Variants in NCAM2 observed in about 807,000 individuals in gnomAD.
NCAM2 encodes N-CAM-2.
NCAM2 carries 30 observed loss-of-function variants against 98.1 expected under a neutral mutation model. That is an observed-to-expected ratio of 0.31 (90% CI 0.23 to 0.41). The LOEUF (loss-of-function observed/expected upper bound fraction) is 0.41. NCAM2 is among the 10% of genes least tolerant of loss of function. The pLI is 1.00. For missense variants in NCAM2, 867 were observed against 1,005.8 expected (o/e 0.86, Z 1.87); for synonymous variants, 368 against 342.4 (o/e 1.07, Z -0.83).
intron 1 of NCAM2, among the ~76,000 whole-genome samples, chr21:21,174,191 G>T (rs757211374): frequency 5.3e-5 from 8 of 152,146 alleles, no homozygotes; most frequent in Non-Finnish European, 8.8e-5. Flanking sequence ...CCCAAGTGCT[G>T]GGATTACAGG....
chr21:21,013,684 G>A (rs1219790551), intron 1 of NCAM2, among the ~76,000 whole-genome samples: 2 of 152,008 alleles, frequency 1.3e-5, no homozygotes, highest in Non-Finnish European at 2.9e-5. Context: ...GGGAGGCTGA[G>A]GCAGGAGAAT....
intron 14 of NCAM2, among the ~76,000 whole-genome samples, chr21:21,471,998 C>G (rs1368292870): frequency 6.6e-6 from 1 of 151,966 alleles, no homozygotes; most frequent in Non-Finnish European, 1.5e-5. Context: ...ACATATTAAT[C>G]TCATGAAATG....
At chr21:21,444,689 A>G (rs1464757933) in intron 12 of NCAM2, among the ~76,000 whole-genome samples, 2 of 151,982 alleles carry the variant, frequency 1.3e-5, no homozygotes, top group African/African-American at 2.4e-5. Context: ...CATTCCCTTT[A>G]TCTTTTTTAT....
At chr21:21,467,859 C>CA (rs1246875592) in intron 13 of NCAM2, among the ~76,000 whole-genome samples, 2 of 150,556 alleles carry the variant, frequency 1.3e-5, no homozygotes, top group Non-Finnish European at 3.0e-5. Context: ...AACCCTGCCT[C>CA]AAAAAAAGAA....
Position 21,338,540 on chromosome 21 carries a change from C to G in NCAM2, c.1044+6C>G, listed in dbSNP as rs777797290. Reference sequence around the variant, plus strand: ...CGTTCACTGAAGGCGATAAGGTAACCACATCTCAATATGTAATGGTTTCCA... The same window carrying G: ...CGTTCACTGAAGGCGATAAGGTAACGACATCTCAATATGTAATGGTTTCCA... On this transcript the variant is annotated splice_donor_region_variant and intron_variant, in intron 8 of 17. Transcript: ENST00000400546. 1.3e-6 allele frequency: 2 copies of G among 1,596,538 alleles called. No homozygotes were observed. The highest frequency in any genetic ancestry group is 1.7e-6 in the Non-Finnish European group (2 of 1,173,284).
rs569583392 is a variant in NCAM2, at chr21:21,159,141, T to G, written c.56-121437T>G. Among the ~76,000 whole-genome samples the G allele has an allele frequency of 1.8e-4, 28 of 152,174 alleles. No individual in the cohort carries two copies. In the South Asian group the frequency reaches 3.5e-3, roughly 19 times the overall value. On this transcript the variant is annotated intron_variant, in intron 1 of 17. Coordinates refer to ENST00000400546, the MANE Select transcript of NCAM2 (RefSeq NM_004540.5). ...AAGTATAAAAGGTAAAATAAAAAAT[T>G]GAAAGTAGAAAAATTTGTGAGGATA...
intron 1 of NCAM2, among the ~76,000 whole-genome samples, chr21:21,225,886 A>G (rs1568797079): frequency 1.3e-5 from 2 of 152,116 alleles, no homozygotes; most frequent in Admixed American, 6.6e-5. Flanking sequence ...TATGTTTATC[A>G]TAGCACTACT....
chr21:21,180,805 A>T (rs1159525372), intron 1 of NCAM2, among the ~76,000 whole-genome samples: 1 of 152,172 alleles, frequency 6.6e-6, no homozygotes, highest in African/African-American at 2.4e-5. Flanking sequence ...AGGAAGAGTT[A>T]TGTAGAGAAA....
At chr21:21,146,551 A>C in intron 1 of NCAM2, among the ~76,000 whole-genome samples, 1 of 94,608 alleles carries the variant, frequency 1.1e-5, no homozygotes, top group East Asian at 2.1e-4. Context: ...TACAGGATAT[A>C]TATATGTATA....
At chr21:21,368,959 T>G (rs2075850846) in intron 8 of NCAM2, among the ~76,000 whole-genome samples, 1 of 151,882 alleles carries the variant, frequency 6.6e-6, no homozygotes, top group African/African-American at 2.4e-5. Context: ...ATTTACCTTT[T>G]CACAGTGTTA....
intron 1 of NCAM2, among the ~76,000 whole-genome samples, chr21:21,032,666 A>C (rs2064709562): frequency 6.6e-6 from 1 of 152,198 alleles, no homozygotes; most frequent in South Asian, 2.1e-4. Context: ...TAAAGAGTAT[A>C]ATTACAGTGC....
chr21:21,282,344 A>G (rs148296048), intron 2 of NCAM2, among the ~76,000 whole-genome samples: 78 of 152,056 alleles, frequency 5.1e-4, no homozygotes, highest in African/African-American at 1.8e-3. Context: ...AAATTAAGAC[A>G]TACTTTAAAG....
At chr21:21,152,322 C>G (rs141672289) in intron 1 of NCAM2, among the ~76,000 whole-genome samples, 1 of 151,914 alleles carries the variant, frequency 6.6e-6, no homozygotes, top group South Asian at 2.1e-4. Flanking sequence ...TATTTTCCTT[C>G]AAATCCTCGA....
At chr21:21,137,263 T>C (rs994988947) in intron 1 of NCAM2, among the ~76,000 whole-genome samples, 1 of 152,228 alleles carries the variant, frequency 6.6e-6, no homozygotes, top group African/African-American at 2.4e-5. Context: ...TATGACTGCT[T>C]ATGTCAGAAT....
At chr21:21,286,593 C>T (rs887618449) in intron 4 of NCAM2, among the ~76,000 whole-genome samples, 181 bp downstream of exon 4, 1 of 151,862 alleles carries the variant, frequency 6.6e-6, no homozygotes, top group Non-Finnish European at 1.5e-5. Context: ...AGGGCAAATT[C>T]ACTGCCCTTT....
chr21:21,517,749 T>C (rs1260647542), intron 16 of NCAM2, among the ~76,000 whole-genome samples: 1 of 151,958 alleles, frequency 6.6e-6, no homozygotes, highest in Admixed American at 6.6e-5. Flanking sequence ...TCCCAGCTAC[T>C]CGGGAGGCTG....
At chr21:21,197,556 G>A (rs2069049739) in intron 1 of NCAM2, among the ~76,000 whole-genome samples, 1 of 152,108 alleles carries the variant, frequency 6.6e-6, no homozygotes, top group Non-Finnish European at 1.5e-5. Flanking sequence ...AATCTTCCAA[G>A]CATAAAGCCA....
At chr21:21,299,532 A>C (rs910714366) in intron 5 of NCAM2, among the ~76,000 whole-genome samples, 1 of 151,760 alleles carries the variant, frequency 6.6e-6, no homozygotes, top group African/African-American at 2.4e-5. Flanking sequence ...CTCTAGGATG[A>C]GATTTCACAA....
chr21:21,348,420 T>C (rs770299872), intron 8 of NCAM2, among the ~76,000 whole-genome samples: 4 of 152,060 alleles, frequency 2.6e-5, no homozygotes, highest in Non-Finnish European at 4.4e-5. Context: ...AATGAAAACT[T>C]TGTAAACACT....
Sources: gnomAD v4.1 joint callset for allele counts (sites outside exome capture counted in the v4.1 genomes callset) on GRCh38, gnomAD v4.1.1 for gene constraint, MANE v1.5 for transcripts, NCBI Gene and HGNC (gene_info 2026-07-23, HGNC 2026-07-21) for gene names.